SMAP2: variants seen among roughly 807,000 people sequenced by gnomAD.
SMAP2 encodes the protein stromal membrane-associated protein 2.
Under a neutral mutation model 56.4 loss-of-function variants are expected in SMAP2, and 25 were observed. The observed-to-expected ratio is 0.44, with a 90% CI of 0.32 to 0.62. The LOEUF is 0.62. Ranked by LOEUF, SMAP2 falls within the 20% of genes least tolerant of loss-of-function variation. SMAP2 has a pLI of 0.04. For synonymous variants in SMAP2, 157 were observed against 181.7 expected (o/e 0.86, Z 1.09); for missense variants, 388 against 545.6 (o/e 0.71, Z 2.88).
At chr1:40,414,021 C>A (rs1399824843) in intron 5 of SMAP2, 138 bp from the exon 6 acceptor site, 2 of 706,652 alleles carry the variant, frequency 2.8e-6, no homozygotes, top group East Asian at 5.5e-5. Context: ...CCTAATACTT[C>A]CTGAGTTTTG....
At chr1:40,353,720 C>A (rs761708839) in intron 1 of SMAP2, among the ~76,000 whole-genome samples, 1 of 152,032 alleles carries the variant, frequency 6.6e-6, no homozygotes, top group Non-Finnish European at 1.5e-5. Context: ...CTGATTTATA[C>A]ACCTAGAGTG....
At chr1:40,381,354 G>A (rs1644596035) in intron 1 of SMAP2, among the ~76,000 whole-genome samples, 1 of 152,184 alleles carries the variant, frequency 6.6e-6, no homozygotes, top group Non-Finnish European at 1.5e-5. Flanking sequence ...AATTATTGTG[G>A]CATGGTATAC....
At chr1:40,348,323 C>A (rs1299306072) in intron 1 of SMAP2, among the ~76,000 whole-genome samples, 1 of 152,122 alleles carries the variant, frequency 6.6e-6, no homozygotes, top group African/African-American at 2.4e-5. Flanking sequence ...CCCCTCCCTG[C>A]CAGCATTATA....
intron 1 of SMAP2, among the ~76,000 whole-genome samples, chr1:40,388,246 G>A (rs183092795): frequency 7.9e-5 from 12 of 152,236 alleles, no homozygotes; most frequent in Non-Finnish European, 1.2e-4. Context: ...GGCGCACAGC[G>A]CGGGACTGGC....
intron 2 of SMAP2, among the ~76,000 whole-genome samples, chr1:40,367,834 G>T (rs1644483948): frequency 7.3e-6 from 1 of 137,290 alleles, no homozygotes; most frequent in Non-Finnish European, 1.6e-5. Context: ...CTAGCAGAAG[G>T]CAAGAAATAA....
chr1:40,393,758 C>A (rs955035839), intron 1 of SMAP2, among the ~76,000 whole-genome samples: 2 of 152,010 alleles, frequency 1.3e-5, no homozygotes. Context: ...GTTGGCCAGG[C>A]TGGTCTTGAA....
chr1:40,412,879 G>GC (rs1027959050), intron 4 of SMAP2, 137 bp from the exon 5 acceptor site: 5 of 627,342 alleles, frequency 8.0e-6, no homozygotes, highest in South Asian at 2.0e-5. Flanking sequence ...CCAAGACACC[G>GC]CCCCCCAAGC....
At position 40,379,346 on chromosome 1, in the gene SMAP2, C is replaced by T. The variant is rs1644573225; in HGVS notation, c.103+5123C>T. Among the ~76,000 whole-genome samples, 3 of 152,070 alleles carry T rather than the reference C, an allele frequency of 2.0e-5. No homozygotes were observed. In the South Asian group the frequency reaches 6.2e-4, roughly 32 times the overall value. ...ACAAACAATTACATTTAAATATATT[C>T]CTTTGCAGTGCTTTTATGCAAATGG... On this transcript the variant is annotated intron_variant, in intron 1 of 9. Coordinates refer to ENST00000372718, the MANE Select transcript of SMAP2 (RefSeq NM_022733.3).
upstream of SMAP2, among the ~76,000 whole-genome samples, chr1:40,372,494 T>C (rs555549422): frequency 1.6e-4 from 25 of 152,324 alleles, no homozygotes; most frequent in African/African-American, 5.1e-4. Flanking sequence ...TGGTAATACC[T>C]ACTTGGATGG....
chr1:40,359,303 A>G (rs1282002888), intron 1 of SMAP2, among the ~76,000 whole-genome samples: 1 of 152,164 alleles, frequency 6.6e-6, no homozygotes, highest in East Asian at 1.9e-4. Context: ...GGGTTTCCCC[A>G]TGTTGTCCAG....
chr1:40,421,805 G>A (rs949477609), intron 9 of SMAP2, among the ~76,000 whole-genome samples, 171 bp from the exon 10 acceptor site: 5 of 152,162 alleles, frequency 3.3e-5, no homozygotes, highest in African/African-American at 1.2e-4. Context: ...ATTCACGTAC[G>A]TGGCCTTGAA....
intron 1 of SMAP2, among the ~76,000 whole-genome samples, chr1:40,375,568 T>C (rs1258229867): frequency 1.3e-5 from 2 of 152,250 alleles, no homozygotes; most frequent in Non-Finnish European, 2.9e-5. Context: ...CTAGACTTCT[T>C]TCCTGAATTT....
In SMAP2 at chr1:40,374,241, G is replaced by GAC; in HGVS notation, c.103+18_103+19insAC. On this transcript the variant is annotated intron_variant, in intron 1 of 9. Transcript: ENST00000372718. This position sits in a 1 kb window ranked among gnomAD's most constrained non-coding sequence, Gnocchi z 5.9. The stretch of plus-strand genomic sequence containing the variant: ...GTCTAAAGGTAGCGCATCCCACCTG[G>GAC]CGGGCCAGGGGTCCAGCCGCGCCGG... 6.3e-7 allele frequency: 1 copy of GAC among 1,595,260 alleles called. No homozygotes were observed. Among genetic ancestry groups the GAC allele is most frequent in the South Asian group, 1.1e-5 (1 of 88,642 alleles).
chr1:40,389,344 T>C (rs1172137236), intron 1 of SMAP2, among the ~76,000 whole-genome samples: 1 of 152,100 alleles, frequency 6.6e-6, no homozygotes, highest in African/African-American at 2.4e-5. Context: ...AGACTGGAGA[T>C]GAGGACAGGG....
intron 1 of SMAP2, among the ~76,000 whole-genome samples, chr1:40,376,819 T>C (rs1644545115): frequency 6.6e-6 from 1 of 152,198 alleles, no homozygotes; most frequent in Non-Finnish European, 1.5e-5. Flanking sequence ...ATATGGTGAG[T>C]GATTGCTCAT....
rs1557467461 is a variant in SMAP2 at position 40,416,272 on chromosome 1, A to G, written c.778A>G (p.Lys260Glu). Residue 260 changes from lysine to glutamate, a missense_variant, in exon 8 of 10, where the codon AAG becomes GAG. By Grantham distance (56) the Lys-to-Glu change is moderately conservative. Transcript: ENST00000372718. Reference sequence around the variant, plus strand: ...AGGGAGCAAATCAGAAGAAATAGGCAAGAAACAGCTCTCTAAAGACTCCAT... The same window carrying G: ...AGGGAGCAAATCAGAAGAAATAGGCGAGAAACAGCTCTCTAAAGACTCCAT... ...EPGSKSEEIG[K>E]KQLSKDSILS... is the part of the protein sequence containing the mutation. 1 of 1,614,138 alleles carries G rather than the reference A, an allele frequency of 6.2e-7. No homozygotes were observed. Among genetic ancestry groups the G allele is most frequent in the African/African-American group, 1.3e-5 (1 of 75,028 alleles).
upstream of SMAP2, among the ~76,000 whole-genome samples, chr1:40,371,264 T>C (rs982879415): frequency 3.9e-5 from 6 of 151,960 alleles, no homozygotes; most frequent in African/African-American, 1.5e-4. Context: ...GCAAGACTAG[T>C]CAAAGCAAAA....
chr1:40,419,299 G>C (rs1262182703), intron 9 of SMAP2, among the ~76,000 whole-genome samples: 1 of 74,196 alleles, frequency 1.3e-5, no homozygotes, highest in Admixed American at 1.4e-4. Flanking sequence ...TTTTTTTTTT[G>C]AGACAAAGTC....
rs1398635745 is a variant in SMAP2 at position 40,408,166 on chromosome 1, A to G, written c.238-487A>G. On this transcript the variant is annotated intron_variant, in intron 2 of 9. Transcript: ENST00000372718. The surrounding 1 kb of genome is among the most constrained non-coding windows in gnomAD (Gnocchi z 4.3). ...TTCACTCTGTTTTATGAAGGAAATT[A>G]TATGCCATGGAGATAGTCGGGAATT... Among the ~76,000 whole-genome samples, 7 of 152,208 alleles carry G rather than the reference A, an allele frequency of 4.6e-5. No homozygotes were observed. The highest frequency in any genetic ancestry group is 1.5e-5 in the Non-Finnish European group (1 of 68,032).
Sources: allele counts gnomAD v4.1 joint callset (sites outside exome capture counted in the v4.1 genomes callset), GRCh38; gene constraint gnomAD v4.1.1; non-coding constraint Gnocchi (gnomAD v3.1); transcripts MANE v1.5; gene names NCBI Gene and HGNC (gene_info 2026-07-23, HGNC 2026-07-21).